IRAK1BP1: variants seen among roughly 807,000 people sequenced by gnomAD.
IRAK1BP1 encodes the protein interleukin-1 receptor-associated kinase 1-binding protein 1.
Under a neutral mutation model 28.0 loss-of-function variants are expected in IRAK1BP1, and 24 were observed. The observed-to-expected ratio is 0.86, with a 90% CI of 0.62 to 1.20. IRAK1BP1 has a LOEUF of 1.20. Among genes scored for constraint, IRAK1BP1 ranks in the 50% most tolerant of loss-of-function variants. IRAK1BP1 has a pLI of 0.00. For missense variants in IRAK1BP1, 336 were observed against 316.7 expected, an observed-to-expected ratio of 1.06 and a Z score of -0.46; for synonymous variants, 131 against 116.3, an observed-to-expected ratio of 1.13 and a Z score of -0.81.
intron 4 of IRAK1BP1, among the ~76,000 whole-genome samples, chr6:78,915,171 C>T (rs1273807414): frequency 2.6e-5 from 4 of 152,092 alleles, no homozygotes; most frequent in Admixed American, 1.3e-4. Context: ...TGTCATCATG[C>T]CTCAAATGTG....
intron 4 of IRAK1BP1, chr6:78,939,644 C>T (rs913087592): frequency 1.3e-5 from 2 of 151,828 alleles, no homozygotes; most frequent in Non-Finnish European, 2.9e-5. Context: ...CACACAGACA[C>T]GTTTCTTTGT....
the IRAK1BP1 span, among the ~76,000 whole-genome samples, chr6:78,961,008 A>AT: frequency 6.6e-6 from 1 of 152,158 alleles, no homozygotes; most frequent in African/African-American, 2.4e-5. Flanking sequence ...AGGTCATATG[A>AT]TAAAAATTAA....
chr6:78,874,557 A>T (rs144735961), intron 1 of IRAK1BP1, among the ~76,000 whole-genome samples: 53 of 152,322 alleles, frequency 3.5e-4, no homozygotes, highest in African/African-American at 1.2e-3. Context: ...TTGTAGGGCA[A>T]GTTCTCCCCT....
the IRAK1BP1 span, among the ~76,000 whole-genome samples, chr6:78,972,910 A>T: frequency 6.6e-6 from 1 of 152,196 alleles, no homozygotes; most frequent in Non-Finnish European, 1.5e-5. Flanking sequence ...TGATTGGTGT[A>T]CCTGAAAGTG....
intron 1 of IRAK1BP1, among the ~76,000 whole-genome samples, chr6:78,883,163 AG>A (rs923812222): frequency 2.4e-4 from 37 of 152,244 alleles, no homozygotes; most frequent in African/African-American, 7.0e-4. Context: ...CAGGAGGCTG[AG>A]GCAGAAAGAT....
the IRAK1BP1 span, among the ~76,000 whole-genome samples, chr6:78,960,518 G>A: frequency 6.6e-6 from 1 of 151,638 alleles, no homozygotes; most frequent in East Asian, 1.9e-4. Context: ...AATGCTTTGA[G>A]GGTGGGATGG....
chr6:78,975,254 C>G, the IRAK1BP1 span, among the ~76,000 whole-genome samples: 1 of 152,050 alleles, frequency 6.6e-6, no homozygotes, highest in South Asian at 2.1e-4. Context: ...AGCATATAAA[C>G]AGAGCCAAAG....
chr6:78,946,516 C>G, downstream of IRAK1BP1: 4 of 1,384,404 alleles, frequency 2.9e-6, no homozygotes, highest in Non-Finnish European at 3.7e-6. Flanking sequence ...ATAGATTTAG[C>G]AGTTTGAATT....
At chr6:78,908,646 G>A (rs1451963930) in intron 4 of IRAK1BP1, among the ~76,000 whole-genome samples, 2 of 152,120 alleles carry the variant, frequency 1.3e-5, no homozygotes, top group Non-Finnish European at 2.9e-5. Context: ...CAGCCAAGAT[G>A]GCACTCATTG....
chr6:78,921,496 G>C lies in IRAK1BP1; in HGVS notation c.*67+18386G>C, dbSNP rs546263690. Reference sequence around the variant, plus strand: ...CTGCCTCTGTAGACTCCACCTCTAGGGGCAGGGCATAGCCAAACAAAAGGC... The same window carrying C: ...CTGCCTCTGTAGACTCCACCTCTAGCGGCAGGGCATAGCCAAACAAAAGGC... On this transcript the variant is annotated intron_variant and NMD_transcript_variant, in intron 4 of 4. Transcript: ENST00000606868. Among the ~76,000 whole-genome samples the C allele has an allele frequency of 3.9e-5, 6 of 152,310 alleles. No individual in the cohort carries two copies. The East Asian group carries it at 1.2e-3, about 29-fold the overall frequency.
At chr6:78,916,800 C>T (rs145512392) in intron 4 of IRAK1BP1, among the ~76,000 whole-genome samples, 684 of 152,130 alleles carry the variant, frequency 4.5e-3, no homozygotes, top group African/African-American at 0.015. Flanking sequence ...AAAAAATAGC[C>T]GGACATGGTG....
downstream of IRAK1BP1, among the ~76,000 whole-genome samples, chr6:78,949,022 T>C (rs957168045): frequency 6.6e-6 from 1 of 152,200 alleles, no homozygotes; most frequent in South Asian, 2.1e-4. Flanking sequence ...CAGTACTACA[T>C]TGAATAGCAG....
In IRAK1BP1 at chr6:78,900,672, T is replaced by C. The variant is rs771207978; in HGVS notation, c.*2338T>C. On this transcript the variant is annotated 3_prime_UTR_variant, in exon 4 of 4. Transcript: ENST00000369940. Reference sequence around the variant, plus strand: ...GCTCTCAAATATTTGCTGGGAAAATTTACTAGCTGGATAAAAGGCAAGTTA... The same window carrying C: ...GCTCTCAAATATTTGCTGGGAAAATCTACTAGCTGGATAAAAGGCAAGTTA... 7.2e-5 allele frequency: 11 copies of C among 152,210 alleles called. No homozygotes were observed. Among genetic ancestry groups the C allele is most frequent in the Non-Finnish European group, 1.5e-4 (10 of 68,048 alleles). The allele number at this position is 152,210 out of a possible 1,614,324, so 9.4% of individuals were successfully genotyped here. A position where few individuals can be genotyped will look rare whatever the true frequency, so the allele number is the denominator to read the frequency against.
chr6:78,875,202 G>A (rs1420693167), intron 1 of IRAK1BP1, among the ~76,000 whole-genome samples: 2 of 152,204 alleles, frequency 1.3e-5, no homozygotes, highest in East Asian at 3.9e-4. Context: ...ACACTAGTAA[G>A]AATGGCTTTT....
intron 2 of IRAK1BP1, among the ~76,000 whole-genome samples, chr6:78,891,940 A>G (rs1404859164): frequency 1.3e-5 from 2 of 151,664 alleles, no homozygotes; most frequent in Non-Finnish European, 1.5e-5. Flanking sequence ...TTTTTTATTT[A>G]TTTTTATTGT....
At chr6:78,917,586 T>C (rs1253089805) in intron 4 of IRAK1BP1, among the ~76,000 whole-genome samples, 2 of 114,740 alleles carry the variant, frequency 1.7e-5, no homozygotes, top group African/African-American at 3.5e-5. Flanking sequence ...CTATACAAAA[T>C]GAACATTGCC....
intron 4 of IRAK1BP1, chr6:78,936,687 T>TC (rs1440344581): frequency 1.3e-5 from 2 of 151,974 alleles, no homozygotes; most frequent in East Asian, 3.9e-4. Context: ...TATTTTCTAC[T>TC]CACTGTTCTA....
intron 4 of IRAK1BP1, among the ~76,000 whole-genome samples, chr6:78,916,801 G>A (rs745886510): frequency 1.6e-4 from 24 of 152,008 alleles, no homozygotes; most frequent in Non-Finnish European, 2.9e-4. Context: ...AAAAATAGCC[G>A]GACATGGTGG....
the IRAK1BP1 span, among the ~76,000 whole-genome samples, chr6:78,953,783 A>G: frequency 6.6e-6 from 1 of 152,114 alleles, no homozygotes; most frequent in Non-Finnish European, 1.5e-5. Flanking sequence ...ACGGGATTTT[A>G]CCATGTTGGT....
Sources: allele counts gnomAD v4.1 joint callset (sites outside exome capture counted in the v4.1 genomes callset), GRCh38; gene constraint gnomAD v4.1.1; transcripts MANE v1.5; gene names NCBI Gene and HGNC (gene_info 2026-07-23, HGNC 2026-07-21).